LRP1B: variants seen among roughly 807,000 people sequenced by gnomAD.
LRP1B encodes low-density lipoprotein receptor-related protein 1B.
Under a neutral mutation model 556.6 loss-of-function variants are expected in LRP1B, and 217 were observed. The observed-to-expected ratio is 0.39, with a 90% confidence interval of 0.35 to 0.44. The LOEUF (loss-of-function observed/expected upper bound fraction) is 0.44. Ranked by LOEUF, LRP1B falls within the 20% of genes least tolerant of loss-of-function variation. LRP1B has a pLI of 1.00. For synonymous variants in LRP1B, 2,047 were observed against 1,865.8 expected (o/e 1.10, Z -2.50); for missense variants, 5,053 against 5,620.8 (o/e 0.90, Z 3.23).
chr2:140,815,312 T>C (rs1691074963), intron 31 of LRP1B, among the ~76,000 whole-genome samples: 1 of 118,946 alleles, frequency 8.4e-6, no homozygotes, highest in Non-Finnish European at 2.1e-5. Context: ...TTAGACCCTC[T>C]TTTTTTTTCC....
chr2:141,347,233 C>G (rs929074032), intron 3 of LRP1B, among the ~76,000 whole-genome samples: 6 of 151,854 alleles, frequency 4.0e-5, no homozygotes, highest in Non-Finnish European at 8.8e-5. Context: ...ATGCTACTTT[C>G]TGAGTCAGGT....
chr2:141,456,559 A>C (rs1486365875), intron 3 of LRP1B, among the ~76,000 whole-genome samples: 1 of 152,220 alleles, frequency 6.6e-6, no homozygotes, highest in Non-Finnish European at 1.5e-5. Flanking sequence ...GGGCAAATAC[A>C]TTATAGATAT....
At chr2:140,590,191 T>C (rs1055245454) in intron 43 of LRP1B, among the ~76,000 whole-genome samples, 6 of 149,936 alleles carry the variant, frequency 4.0e-5, no homozygotes, top group Admixed American at 3.3e-4. Flanking sequence ...ACTTATAATT[T>C]CACAACCTAA....
chr2:140,238,400 GA>G, intron 88 of LRP1B, 104 bp from the exon 89 acceptor site: 1 of 583,274 alleles, frequency 1.7e-6, no homozygotes, highest in Non-Finnish European at 2.8e-6. Context: ...GAAATAAATT[GA>G]ATAAATGACA....
chr2:141,703,213 A>G (rs760337473), intron 2 of LRP1B, among the ~76,000 whole-genome samples: 5 of 137,932 alleles, frequency 3.6e-5, no homozygotes, highest in Admixed American at 3.0e-4. Context: ...AACCTAAGGA[A>G]AGAATATCAT....
At position 140,700,543 on chromosome 2, in the gene LRP1B, G is replaced by A. The variant is rs2105421573; in HGVS notation, c.6506C>T (p.Ala2169Val). The change falls in exon 41 of 91, where the codon GCT becomes GTT. Residue 2169 changes from alanine (A) to valine (V), a missense_variant. Around this residue, in one of 5 missense-constraint regions of LRP1B, gnomAD observed 3,619 missense variants for 3,931.9 expected, o/e 0.92. Transcript: ENST00000389484. ...TTCTGCCAAATATCCATGGGCACAAGCACAAGTTCTCCGGGAATTTCCTCG... is the reference window on the plus strand; with the variant it reads ...TTCTGCCAAATATCCATGGGCACAAACACAAGTTCTCCGGGAATTTCCTCG... ...LYRGNSRRTC[A>V]CAHGYLAEDG... 6.2e-7 allele frequency: 1 copy of A among 1,613,536 alleles called. No individual in the cohort carries two copies. Among genetic ancestry groups the A allele is most frequent in the Non-Finnish European group, 8.5e-7 (1 of 1,179,698 alleles).
chr2:141,922,333 A>C (rs1700210952), intron 1 of LRP1B, among the ~76,000 whole-genome samples: 1 of 152,064 alleles, frequency 6.6e-6, no homozygotes, highest in Non-Finnish European at 1.5e-5. Context: ...CTCATCCCCT[A>C]TGTGCACTAT....
At chr2:141,551,286 C>CT (rs922860852) in intron 2 of LRP1B, among the ~76,000 whole-genome samples, 3 of 150,408 alleles carry the variant, frequency 2.0e-5, no homozygotes, top group South Asian at 4.2e-4. Context: ...AGTTTGTTTG[C>CT]TTTTTTTTAA....
At chr2:141,105,804 A>G (rs371880776) in intron 7 of LRP1B, among the ~76,000 whole-genome samples, 5 of 152,190 alleles carry the variant, frequency 3.3e-5, no homozygotes, top group Non-Finnish European at 7.3e-5. Context: ...AGTGATTTTC[A>G]AAATGTATTT....
intron 2 of LRP1B, among the ~76,000 whole-genome samples, chr2:141,575,417 A>C (rs1379738630): frequency 6.6e-6 from 1 of 152,188 alleles, no homozygotes; most frequent in East Asian, 1.9e-4. Context: ...TATGCAGAAA[A>C]CTGCAACTGG....
chr2:140,595,746 T>C (rs913199884), intron 43 of LRP1B, among the ~76,000 whole-genome samples: 1 of 152,128 alleles, frequency 6.6e-6, no homozygotes, highest in Non-Finnish European at 1.5e-5. Context: ...GCACATGTAC[T>C]CCCTGAATCT....
At chr2:141,491,770 G>A (rs1327969237) in intron 2 of LRP1B, among the ~76,000 whole-genome samples, 1 of 152,108 alleles carries the variant, frequency 6.6e-6, no homozygotes, top group Non-Finnish European at 1.5e-5. Flanking sequence ...GTTAGAGATT[G>A]CCTCTGAGCC....
rs866459570 is a variant in LRP1B at position 140,247,159 on chromosome 2, G to A, written c.13251C>T (p.Cys4417=). The change falls in exon 87 of 91, where the codon TGC becomes TGT. Residue 4417 remains cysteine, a synonymous_variant. Transcript: ENST00000389484. ...DPETNVPVCL[C]STNWSGTQCE... is the part of the protein sequence containing the mutation. ...ACTGTGTGCCTGACCAGTTGGTGGA[G>A]CATCTAAAAATATCCAAACAACAAA... The A allele has an allele frequency of 1.2e-6, 2 of 1,607,010 alleles. No homozygotes were observed. The highest frequency in any genetic ancestry group is 2.7e-5 in the African/African-American group (2 of 74,730).
At chr2:142,050,168 GTA>G (rs1704405096) in intron 1 of LRP1B, among the ~76,000 whole-genome samples, 1 of 151,972 alleles carries the variant, frequency 6.6e-6, no homozygotes, top group Non-Finnish European at 1.5e-5. Context: ...TAATACATAG[GTA>G]TACACACACA....
intron 3 of LRP1B, among the ~76,000 whole-genome samples, chr2:141,354,618 C>T (rs188225167): frequency 5.3e-5 from 8 of 151,992 alleles, no homozygotes; most frequent in Admixed American, 2.6e-4. Flanking sequence ...TTTCCTAAAA[C>T]GACCGAGGAG....
chr2:140,703,562 C>G (rs1444371168), intron 37 of LRP1B, among the ~76,000 whole-genome samples: 1 of 152,144 alleles, frequency 6.6e-6, no homozygotes, highest in Admixed American at 6.6e-5. Flanking sequence ...AGCATTGATT[C>G]AACAGCTGGG....
At chr2:142,029,919 G>A (rs995756160) in intron 1 of LRP1B, among the ~76,000 whole-genome samples, 4 of 151,462 alleles carry the variant, frequency 2.6e-5, no homozygotes, top group African/African-American at 7.3e-5. Flanking sequence ...ATTAGAGCTT[G>A]CAATAAATAT....
At chr2:141,194,603 C>A (rs986960587) in intron 6 of LRP1B, among the ~76,000 whole-genome samples, 8 of 152,042 alleles carry the variant, frequency 5.3e-5, no homozygotes, top group Admixed American at 1.3e-4. Context: ...GTGTGTTCAG[C>A]CAAACCTATC....
intron 35 of LRP1B, among the ~76,000 whole-genome samples, chr2:140,728,524 A>C (rs980385528): frequency 6.6e-6 from 1 of 152,192 alleles, no homozygotes; most frequent in Admixed American, 6.6e-5. Context: ...TCAGAAAACA[A>C]CACCATTCCA....
Sources: gnomAD v4.1 joint callset for allele counts (sites outside exome capture counted in the v4.1 genomes callset) on GRCh38, gnomAD v4.1.1 for gene constraint, gnomAD v4.1.1 regional missense constraint, MANE v1.5 for transcripts, NCBI Gene and HGNC (gene_info 2026-07-23, HGNC 2026-07-21) for gene names.